The following PLXNA4 variants were observed in gnomAD, a reference collection of about 807,000 sequenced individuals.
PLXNA4 encodes the protein plexin-A4.
Under a neutral mutation model 191.8 loss-of-function variants are expected in PLXNA4, and 44 were observed. The ratio of observed to expected loss-of-function variants is 0.23; its 90% CI spans 0.18 to 0.29. The LOEUF is 0.29. Ranked by LOEUF, PLXNA4 falls within the 10% of genes least tolerant of loss-of-function variation. PLXNA4 has a pLI of 1.00. For missense variants in PLXNA4, 1,800 were observed against 2,488.8 expected (o/e 0.72, Z 5.89); for synonymous variants, 1,082 against 1,009.5 (o/e 1.07, Z -1.36).
intron 1 of PLXNA4, among the ~76,000 whole-genome samples, chr7:132,534,494 C>T (rs1448258408): frequency 6.6e-6 from 1 of 152,146 alleles, no homozygotes; most frequent in Non-Finnish European, 1.5e-5. Flanking sequence ...GAATCTGGCT[C>T]CAGGGGCCCT....
intron 3 of PLXNA4, among the ~76,000 whole-genome samples, chr7:132,364,878 A>G (rs56863466): frequency 2.0e-3 from 306 of 152,298 alleles, no homozygotes; most frequent in African/African-American, 7.2e-3. Flanking sequence ...CATATTCTTC[A>G]TCTGTTAACT....
chr7:132,573,073 C>T (rs1004159409), intron 1 of PLXNA4, among the ~76,000 whole-genome samples: 2 of 137,028 alleles, frequency 1.5e-5, no homozygotes, highest in Non-Finnish European at 3.0e-5. Context: ...GGTAGATTAG[C>T]AAGTGGTGGG....
chr7:132,287,350 A>G (rs1439134140), intron 4 of PLXNA4, among the ~76,000 whole-genome samples: 2 of 152,236 alleles, frequency 1.3e-5, no homozygotes, highest in Non-Finnish European at 2.9e-5. Flanking sequence ...AATGATAATG[A>G]TGACAGCAAC....
chr7:132,631,710 C>T (rs557426700), intron 2 of PLXNA4, among the ~76,000 whole-genome samples: 28 of 152,270 alleles, frequency 1.8e-4, no homozygotes, highest in African/African-American at 6.3e-4. Context: ...ACCCCATGGT[C>T]TCATCTGCTC....
intron 1 of PLXNA4, among the ~76,000 whole-genome samples, chr7:132,530,607 G>A (rs1017837136): frequency 6.6e-6 from 1 of 152,198 alleles, no homozygotes; most frequent in Non-Finnish European, 1.5e-5. Flanking sequence ...GTGAAGATGT[G>A]GAAAAATGGG....
At chr7:132,387,921 A>G (rs963133022) in intron 3 of PLXNA4, among the ~76,000 whole-genome samples, 1 of 152,066 alleles carries the variant, frequency 6.6e-6, no homozygotes, top group East Asian at 1.9e-4. Context: ...TGTCTCCAGC[A>G]TAGAGCCAGA....
intron 3 of PLXNA4, among the ~76,000 whole-genome samples, chr7:132,439,574 A>G (rs1563099577): frequency 6.6e-6 from 1 of 152,070 alleles, no homozygotes; most frequent in Non-Finnish European, 1.5e-5. Context: ...TGGGTGACAC[A>G]TTTTGCTGGG....
chr7:132,441,291 A>T (rs888360053), intron 3 of PLXNA4, among the ~76,000 whole-genome samples: 3 of 152,222 alleles, frequency 2.0e-5, no homozygotes, highest in Non-Finnish European at 2.9e-5. Context: ...TTTGTCAACG[A>T]ACTTGTCATA....
chr7:132,241,277 A>T, intron 4 of PLXNA4, 111 bp from the exon 5 acceptor site: 2 of 744,160 alleles, frequency 2.7e-6, no homozygotes, highest in Non-Finnish European at 4.3e-6. Context: ...ATGTTGCAGG[A>T]GCATGAAGGT....
At chr7:132,140,337 A>G (rs979507223) in intron 30 of PLXNA4, among the ~76,000 whole-genome samples, 5 of 152,136 alleles carry the variant, frequency 3.3e-5, no homozygotes, top group African/African-American at 1.2e-4. Flanking sequence ...GGCCTAGAAG[A>G]CATTTCAGCC....
intron 15 of PLXNA4, among the ~76,000 whole-genome samples, chr7:132,187,233 T>A (rs1796909746): frequency 6.6e-6 from 1 of 152,228 alleles, no homozygotes; most frequent in Non-Finnish European, 1.5e-5. Context: ...TCAGGGAGAC[T>A]GATTTGAATC....
At position 132,181,678 on chromosome 7, in the gene PLXNA4, A is replaced by G. The variant is rs200725225; in HGVS notation, c.3253-58T>C. The G allele has an allele frequency of 6.2e-4, 980 of 1,589,416 alleles. 11 individuals are homozygous for G. Among genetic ancestry groups the G allele is most frequent in the Non-Finnish European group, 2.2e-4 (257 of 1,166,752 alleles). On this transcript the variant is annotated intron_variant, in intron 17 of 31. Transcript: ENST00000321063. ...AGTATCTCCACATACCCACAGCCCC[A>G]GTGCACATAGTGGGCCTCCCTGGAT...
At chr7:132,386,135 C>T (rs528940998) in intron 3 of PLXNA4, among the ~76,000 whole-genome samples, 5 of 152,232 alleles carry the variant, frequency 3.3e-5, no homozygotes, top group Admixed American at 6.5e-5. Flanking sequence ...AGAGGGGCCC[C>T]GTGAGCTGCC....
intron 1 of PLXNA4, among the ~76,000 whole-genome samples, chr7:132,537,959 A>G (rs2116482215): frequency 6.6e-6 from 1 of 152,352 alleles, no homozygotes; most frequent in South Asian, 2.1e-4. Flanking sequence ...AAAATCCCCC[A>G]GCACAGAGCA....
chr7:132,329,533 G>A (rs62466374), intron 3 of PLXNA4, among the ~76,000 whole-genome samples: 11,505 of 152,286 alleles, frequency 0.076, 719 homozygotes, highest in Admixed American at 0.19. Context: ...AATTGATTAA[G>A]CACCAGCCTT....
chr7:132,544,960 G>A (rs1013380831), intron 1 of PLXNA4, among the ~76,000 whole-genome samples: 3 of 152,158 alleles, frequency 2.0e-5, no homozygotes, highest in Non-Finnish European at 2.9e-5. Context: ...ACAATAGAGG[G>A]GACTAGTACA....
At chr7:132,639,578 T>C (rs1393374253) in intron 2 of PLXNA4, among the ~76,000 whole-genome samples, 3 of 152,342 alleles carry the variant, frequency 2.0e-5, no homozygotes, top group African/African-American at 4.8e-5. Context: ...AGAACATTTA[T>C]CTTTCCAGGC....
intron 2 of PLXNA4, among the ~76,000 whole-genome samples, chr7:132,493,160 G>C (rs1797872549): frequency 6.6e-6 from 1 of 152,160 alleles, no homozygotes; most frequent in Admixed American, 6.5e-5. Flanking sequence ...GAGCACCTGG[G>C]TGATGGGGGA....
chr7:132,311,181 T>C (rs1314097688), intron 3 of PLXNA4, among the ~76,000 whole-genome samples: 2 of 135,228 alleles, frequency 1.5e-5, no homozygotes, highest in Non-Finnish European at 3.2e-5. Flanking sequence ...TGTGTGTGTG[T>C]GTGTGTGTGT....
Sources: gnomAD v4.1 joint callset for allele counts (sites outside exome capture counted in the v4.1 genomes callset) on GRCh38, gnomAD v4.1.1 for gene constraint, MANE v1.5 for transcripts, NCBI Gene and HGNC (gene_info 2026-07-23, HGNC 2026-07-21) for gene names.